The following ATXN1 variants were observed in gnomAD, a reference collection of about 807,000 sequenced individuals.
The protein encoded by ATXN1 is ataxin-1.
Under a neutral mutation model 56.4 loss-of-function variants are expected in ATXN1, and 8 were observed. The observed-to-expected ratio is 0.14, with a 90% CI of 0.08 to 0.26. ATXN1 has a LOEUF of 0.26. Among genes scored for constraint, ATXN1 ranks in the 10% least tolerant of loss-of-function variants. ATXN1 has a pLI of 1.00. For missense variants in ATXN1, 987 were observed against 1,106.5 expected (o/e 0.89, Z 1.53); for synonymous variants, 514 against 494.6 (o/e 1.04, Z -0.52).
At chr6:16,316,570 C>T (rs1410712017) in intron 7 of ATXN1, among the ~76,000 whole-genome samples, 1 of 151,810 alleles carries the variant, frequency 6.6e-6, no homozygotes, top group Non-Finnish European at 1.5e-5. Flanking sequence ...CATGGTGAAA[C>T]CCTGTCTCTA....
In ATXN1 at chr6:16,316,766, CA is replaced by C. The variant is rs112512714; in HGVS notation, c.1917+9627del. 1.3e-4 allele frequency among the ~76,000 whole-genome samples: 17 copies of C among 133,524 alleles called. No individual in the cohort carries two copies. In the East Asian group the frequency reaches 2.0e-3, roughly 16 times the overall value. The allele number at this position is 133,524 out of a possible 152,430, so 87.6% of individuals were successfully genotyped here. A position where few individuals can be genotyped will look rare whatever the true frequency, so the allele number is the denominator to read the frequency against. ...CGTCTTAAAAAAAACAAAAACAAAA[CA>C]AAAAAAAAACTGAAAGAATAGTTCT... is the stretch of plus-strand genomic sequence containing the variant. On this transcript the variant is annotated intron_variant, in intron 7 of 7. Transcript: ENST00000436367.
At chr6:16,631,549 C>G (rs971984588) in intron 3 of ATXN1, among the ~76,000 whole-genome samples, 4 of 152,226 alleles carry the variant, frequency 2.6e-5, no homozygotes, top group Non-Finnish European at 4.4e-5. Flanking sequence ...TGTCCCCCAT[C>G]AGTCCCAACT....
intron 3 of ATXN1, among the ~76,000 whole-genome samples, chr6:16,618,328 A>G (rs953259370): frequency 6.6e-6 from 1 of 152,238 alleles, no homozygotes; most frequent in Admixed American, 6.5e-5. Flanking sequence ...CTTAAAACCT[A>G]GATGACAGGT....
At chr6:16,408,017 G>A (rs533812108) in intron 6 of ATXN1, among the ~76,000 whole-genome samples, 19 of 152,144 alleles carry the variant, frequency 1.2e-4, no homozygotes, top group Non-Finnish European at 7.4e-5. Flanking sequence ...CTAGGCATGC[G>A]GGATTGGGGG....
chr6:16,316,777 C>G (rs538259756), intron 7 of ATXN1, among the ~76,000 whole-genome samples: 2 of 149,686 alleles, frequency 1.3e-5, no homozygotes, highest in African/African-American at 2.5e-5. Flanking sequence ...AAAAAAAAAA[C>G]TGAAAGAATA....
At chr6:16,401,212 G>A (rs1758562433) in intron 6 of ATXN1, among the ~76,000 whole-genome samples, 1 of 152,188 alleles carries the variant, frequency 6.6e-6, no homozygotes, top group African/African-American at 2.4e-5. Flanking sequence ...TGTAGCGAGG[G>A]TTGGCAAGAC....
At chr6:16,657,277 A>G (rs368927241) in intron 3 of ATXN1, among the ~76,000 whole-genome samples, 2 of 152,070 alleles carry the variant, frequency 1.3e-5, no homozygotes, top group South Asian at 2.1e-4. Flanking sequence ...GTGAGCCACC[A>G]CACCCAGCCC....
intron 5 of ATXN1, among the ~76,000 whole-genome samples, chr6:16,508,637 A>T (rs1446638108): frequency 6.6e-6 from 1 of 152,218 alleles, no homozygotes; most frequent in Non-Finnish European, 1.5e-5. Context: ...GTTGGTGAGG[A>T]CATAGAGAAA....
chr6:16,478,710 CCT>C (rs1468754452), intron 6 of ATXN1, among the ~76,000 whole-genome samples: 3 of 151,972 alleles, frequency 2.0e-5, no homozygotes, highest in Non-Finnish European at 2.9e-5. Flanking sequence ...GGATTTTAGC[CCT>C]GGAGAAATTA....
chr6:16,313,633 T>C (rs1305289073), intron 7 of ATXN1, among the ~76,000 whole-genome samples: 2 of 151,854 alleles, frequency 1.3e-5, no homozygotes, highest in Non-Finnish European at 2.9e-5. Flanking sequence ...CTCAGCTCAC[T>C]GCAATCTCTG....
Position 16,438,225 on chromosome 6 carries a change from T to C in ATXN1, c.-161+47747A>G, listed in dbSNP as rs1759433947. Among the ~76,000 whole-genome samples, 3 of 152,198 alleles carry C rather than the reference T, an allele frequency of 2.0e-5. No individual in the cohort carries two copies. In the South Asian group the frequency reaches 6.2e-4, roughly 32 times the overall value. On this transcript the variant is annotated intron_variant, in intron 6 of 7. Coordinates refer to ENST00000436367, the MANE Select transcript of ATXN1 (RefSeq NM_001128164.2). ...TCTCACCTACTGGTGTGCCACCCAG[T>C]TCCTAACAGGCCACAGACCCATAAT...
intron 6 of ATXN1, among the ~76,000 whole-genome samples, chr6:16,346,637 T>C (rs1022270672): frequency 6.6e-6 from 1 of 152,234 alleles, no homozygotes; most frequent in Non-Finnish European, 1.5e-5. Context: ...TAGGAAAGTC[T>C]TTCAATTTTC....
intron 2 of ATXN1, among the ~76,000 whole-genome samples, chr6:16,719,801 T>A (rs1759710550): frequency 6.6e-6 from 1 of 152,114 alleles, no homozygotes; most frequent in Non-Finnish European, 1.5e-5. Flanking sequence ...AGGCAGAGAC[T>A]GGAGTGACGC....
chr6:16,455,994 G>A (rs894509141), intron 6 of ATXN1, among the ~76,000 whole-genome samples: 2 of 152,166 alleles, frequency 1.3e-5, no homozygotes, highest in African/African-American at 4.8e-5. Context: ...ACTCTGATAG[G>A]ACAGAAACAG....
At chr6:16,480,832 G>A (rs1760423629) in intron 6 of ATXN1, among the ~76,000 whole-genome samples, 1 of 152,126 alleles carries the variant, frequency 6.6e-6, no homozygotes, top group African/African-American at 2.4e-5. Context: ...ATGCTGAGAG[G>A]AGGAGCTGAG....
At chr6:16,632,325 G>A (rs150234341) in intron 3 of ATXN1, among the ~76,000 whole-genome samples, 2 of 152,314 alleles carry the variant, frequency 1.3e-5, no homozygotes, top group African/African-American at 2.4e-5. Context: ...ACACCACACA[G>A]AGCTGACATG....
chr6:16,671,272 G>GGA (rs1305135179), intron 2 of ATXN1, among the ~76,000 whole-genome samples: 2 of 151,500 alleles, frequency 1.3e-5, no homozygotes, highest in Non-Finnish European at 2.9e-5. Context: ...CCAGCAGGGA[G>GGA]GAAAGCATGT....
intron 2 of ATXN1, among the ~76,000 whole-genome samples, chr6:16,740,838 C>T (rs565706603): frequency 4.6e-5 from 7 of 152,176 alleles, no homozygotes. Context: ...CAGCCTCTAA[C>T]ATCTAAATTT....
intron 2 of ATXN1, among the ~76,000 whole-genome samples, chr6:16,702,734 T>G (rs1354729748): frequency 6.6e-6 from 1 of 152,294 alleles, no homozygotes; most frequent in East Asian, 1.9e-4. Context: ...CAAAAAATGC[T>G]CATCATCACT....
Sources: gnomAD v4.1 joint callset for allele counts (sites outside exome capture counted in the v4.1 genomes callset) on GRCh38, gnomAD v4.1.1 for gene constraint, MANE v1.5 for transcripts, NCBI Gene and HGNC (gene_info 2026-07-23, HGNC 2026-07-21) for gene names.